SYNE2: variants seen among roughly 807,000 people sequenced by gnomAD.
The protein encoded by SYNE2 is spectrin repeat containing nuclear envelope protein 2, also known as nesprin-2.
In SYNE2, 431 loss-of-function variants were observed where a neutral mutation model predicts 856.3. The observed-to-expected ratio is 0.50, with a 90% CI of 0.47 to 0.55. The LOEUF (loss-of-function observed/expected upper bound fraction) is 0.55. SYNE2 is among the 20% of genes least tolerant of loss of function. The pLI is 0.00. For missense variants in SYNE2, 8,129 were observed against 8,023.2 expected (o/e 1.01, Z -0.50); for synonymous variants, 2,923 against 2,872.3 (o/e 1.02, Z -0.56).
chr14:64,034,993 T>G (rs2097075138), intron 45 of SYNE2, among the ~76,000 whole-genome samples: 1 of 150,582 alleles, frequency 6.6e-6, no homozygotes, highest in Non-Finnish European at 1.5e-5. Context: ...GAATGATCTT[T>G]CTTGCCCCAT....
At chr14:63,920,202 C>T (rs991476830) in intron 2 of SYNE2, among the ~76,000 whole-genome samples, 9 of 151,772 alleles carry the variant, frequency 5.9e-5, no homozygotes, top group South Asian at 2.1e-4. Context: ...TACACACAAG[C>T]GCGTAAACTA....
intron 61 of SYNE2, among the ~76,000 whole-genome samples, chr14:64,096,120 G>A (rs1482438641): frequency 6.6e-6 from 1 of 152,214 alleles, no homozygotes; most frequent in Non-Finnish European, 1.5e-5. Context: ...CTCCAGAACT[G>A]TGAGAAATAA....
At chr14:64,218,753 T>A (rs1007573612) in intron 109 of SYNE2, among the ~76,000 whole-genome samples, 11 of 152,236 alleles carry the variant, frequency 7.2e-5, no homozygotes, top group African/African-American at 2.7e-4. Flanking sequence ...CCTGAGGAAG[T>A]GCAGGTTTTC....
Position 64,003,199 on chromosome 14 carries a change from C to T in SYNE2, c.4266C>T (p.Phe1422=), listed in dbSNP as rs745608986. The part of the protein sequence containing the change: ...ETHGYGVQEE[F]TEENKLLEAC... The stretch of plus-strand genomic sequence containing the variant: ...ATGGCTATGGGGTACAGGAGGAATT[C>T]ACTGAGGAAAACAAATTACTAGAGG... Residue 1422 remains phenylalanine (F), a synonymous_variant, in exon 30 of 116, where the codon TTC becomes TTT. Transcript: ENST00000555002. The T allele has an allele frequency of 7.4e-5, 120 of 1,613,888 alleles. 1 individual carries two copies. The South Asian group carries it at 1.2e-3, about 16-fold the overall frequency.
At chr14:64,013,655 C>A (rs1208740249) in intron 32 of SYNE2, among the ~76,000 whole-genome samples, 2 of 152,124 alleles carry the variant, frequency 1.3e-5, no homozygotes. Context: ...TTATTGTGTT[C>A]CAGTGCAGAG....
intron 78 of SYNE2, 60 bp from the exon 79 acceptor site, chr14:64,137,727 G>T: frequency 6.4e-7 from 1 of 1,571,372 alleles, no homozygotes; most frequent in South Asian, 1.1e-5. Context: ...CAGTATTTGT[G>T]AATAGCTTGG....
At chr14:64,051,001 A>G (rs909011695) in intron 47 of SYNE2, among the ~76,000 whole-genome samples, 11 of 151,578 alleles carry the variant, frequency 7.3e-5, no homozygotes, top group Non-Finnish European at 1.5e-4. Flanking sequence ...AGCCTGGGTG[A>G]CAGAGTGAGA....
chr14:64,068,462 A>G (rs551847988), intron 51 of SYNE2, among the ~76,000 whole-genome samples: 141 of 151,890 alleles, frequency 9.3e-4, no homozygotes, highest in Middle Eastern at 3.4e-3. Flanking sequence ...TTAGTAGTTC[A>G]TTTCTCTTTA....
At chr14:64,076,263 C>G (rs2097458262) in intron 54 of SYNE2, among the ~76,000 whole-genome samples, 163 bp downstream of exon 54, 1 of 152,124 alleles carries the variant, frequency 6.6e-6, no homozygotes, top group Non-Finnish European at 1.5e-5. Flanking sequence ...TAAAGATGCT[C>G]TAAATATGTG....
chr14:64,225,005 G>C lies in SYNE2; in HGVS notation c.20476G>C (p.Ala6826Pro). The C allele has an allele frequency of 6.2e-7, 1 of 1,613,822 alleles. No individual in the cohort carries two copies. The highest frequency in any genetic ancestry group is 8.5e-7 in the Non-Finnish European group (1 of 1,179,954). Residue 6826 changes from alanine to proline, a missense_variant, in exon 115 of 116, where the codon GCA becomes CCA. Physicochemically the swap from Ala to Pro is conservative, Grantham distance 27 (BLOSUM62 -1). This residue lies in a region of SYNE2 where 5,410 missense variants were observed against 5,284.8 expected (regional missense o/e 1.02). Coordinates refer to ENST00000555002, the MANE Select transcript of SYNE2 (RefSeq NM_182914.3). ...GAGTTTCTTTACCCAGCAGTTCAGA[G>C]CAGTGAGAACTACAGAAGGCGAGGA... ...SVPAPRAKFRAVRTTEGEEET... is the reference protein window; with the variant it reads ...SVPAPRAKFRPVRTTEGEEET...
intron 1 of SYNE2, among the ~76,000 whole-genome samples, chr14:63,906,062 A>T (rs1595556699): frequency 6.6e-6 from 1 of 152,148 alleles, no homozygotes; most frequent in African/African-American, 2.4e-5. Context: ...TTGAGATGAC[A>T]TATGGTTTTT....
chr14:63,870,878 A>G (rs1211447903), intron 1 of SYNE2, among the ~76,000 whole-genome samples: 2 of 152,192 alleles, frequency 1.3e-5, no homozygotes, highest in Non-Finnish European at 2.9e-5. Context: ...CAGCACATGG[A>G]GGTCCTTTTG....
intron 66 of SYNE2, among the ~76,000 whole-genome samples, chr14:64,118,199 A>T (rs951714729): frequency 6.6e-6 from 1 of 151,920 alleles, no homozygotes; most frequent in Non-Finnish European, 1.5e-5. Flanking sequence ...AGTACAAATG[A>T]TCATGGTGCT....
chr14:64,213,060 A>G, intron 105 of SYNE2, 55 bp downstream of exon 105: 2 of 1,596,060 alleles, frequency 1.3e-6, no homozygotes, highest in Non-Finnish European at 1.7e-6. Flanking sequence ...TTTACGTGAG[A>G]CCAAATTTTT....
At chr14:64,166,856 C>T in intron 90 of SYNE2, 2 of 259,076 alleles carry the variant, frequency 7.7e-6, no homozygotes, top group Non-Finnish European at 1.5e-5. Flanking sequence ...TCGTTTGAAC[C>T]CAGGAGGCGG....
In SYNE2 at chr14:64,000,653, T is replaced by C; in HGVS notation, c.3572T>C (p.Phe1191Ser). The change falls in exon 28 of 116, where the codon TTT (phenylalanine) becomes TCT (serine). Residue 1191 changes from phenylalanine to serine, a missense_variant. By Grantham distance (155) the Phe-to-Ser change is radical (BLOSUM62 -2). This residue lies in a region of SYNE2 where 2,422 missense variants were observed against 2,357.4 expected (regional missense o/e 1.03). Coordinates refer to ENST00000555002, the MANE Select transcript of SYNE2 (RefSeq NM_182914.3). ...ENHVNDIKKP[F>S]VIKERDTLKE... ...CATGTGAATGACATAAAAAAGCCTT[T>C]TGTAATTAAGGAAAGAGACACACTA... 5 of 1,613,516 alleles carry C rather than the reference T, an allele frequency of 3.1e-6. No individual in the cohort carries two copies. Among genetic ancestry groups the C allele is most frequent in the Non-Finnish European group, 4.2e-6 (5 of 1,179,768 alleles).
chr14:64,119,199 A>T (rs1338865157), intron 66 of SYNE2, among the ~76,000 whole-genome samples: 2 of 152,184 alleles, frequency 1.3e-5, no homozygotes, highest in Non-Finnish European at 2.9e-5. Flanking sequence ...TCATTTACTT[A>T]AATTATTTTA....
chr14:64,106,086 A>G lies in SYNE2; in HGVS notation c.12493-1405A>G, dbSNP rs538722632. 1.6e-4 allele frequency among the ~76,000 whole-genome samples: 24 copies of G among 151,260 alleles called. No homozygotes were observed. In the East Asian group the frequency reaches 4.5e-3, roughly 28 times the overall value. ...AAAGAAAGAAAGAAAAAGAAAGGCT[A>G]TACCAACAATATTTCTCCTAGGTAT... is the stretch of plus-strand genomic sequence containing the variant. On this transcript the variant is annotated intron_variant, in intron 64 of 115. Coordinates refer to ENST00000555002, the MANE Select transcript of SYNE2 (RefSeq NM_182914.3).
At chr14:64,203,355 G>T (rs901208258) in intron 100 of SYNE2, among the ~76,000 whole-genome samples, 1 of 152,130 alleles carries the variant, frequency 6.6e-6, no homozygotes, top group East Asian at 1.9e-4. Context: ...TGTGTGTCTG[G>T]TACAGCTTTT....
Sources: gnomAD v4.1 joint callset for allele counts (sites outside exome capture counted in the v4.1 genomes callset) on GRCh38, gnomAD v4.1.1 for gene constraint, gnomAD v4.1.1 regional missense constraint, MANE v1.5 for transcripts, NCBI Gene and HGNC (gene_info 2026-07-23, HGNC 2026-07-21) for gene names.